Variants in ADAM22 observed in about 807,000 individuals in gnomAD.
ADAM22 encodes disintegrin and metalloproteinase domain-containing protein 22.
Under a neutral mutation model 144.6 loss-of-function variants are expected in ADAM22, and 65 were observed. That is an observed-to-expected ratio of 0.45 (90% confidence interval 0.37 to 0.55). The LOEUF (loss-of-function observed/expected upper bound fraction) is 0.55. ADAM22 is among the 20% of genes least tolerant of loss of function. ADAM22 has a pLI of 0.00. For synonymous variants in ADAM22, 391 were observed against 412.6 expected (o/e 0.95, Z 0.63); for missense variants, 974 against 1,184.9 (o/e 0.82, Z 2.61).
chr7:88,107,758 A>ATTTT (rs780127224), intron 4 of ADAM22, among the ~76,000 whole-genome samples: 1 of 142,844 alleles, frequency 7.0e-6, no homozygotes, highest in Non-Finnish European at 1.5e-5. Flanking sequence ...GCTAATTTCA[A>ATTTT]TTTTTTTTTT....
intron 14 of ADAM22, among the ~76,000 whole-genome samples, chr7:88,137,122 A>G (rs1833174622): frequency 6.6e-6 from 1 of 152,166 alleles, no homozygotes; most frequent in African/African-American, 2.4e-5. Flanking sequence ...TGTGTGTTGG[A>G]GTAAAACATA....
At chr7:88,107,281 G>A (rs1554473234) in intron 4 of ADAM22, among the ~76,000 whole-genome samples, 3 of 139,828 alleles carry the variant, frequency 2.1e-5, no homozygotes, top group African/African-American at 5.4e-5. Flanking sequence ...AGCTCACTGC[G>A]ACCTCCACTT....
At chr7:87,946,715 G>C (rs1244867945) in intron 2 of ADAM22, among the ~76,000 whole-genome samples, 2 of 152,126 alleles carry the variant, frequency 1.3e-5, no homozygotes, top group East Asian at 3.9e-4. Flanking sequence ...TCTATGTATA[G>C]CCAAAAGAAA....
rs1842882398 is a variant in ADAM22, at chr7:88,166,078, G to T, written c.2191+132G>T. The T allele has an allele frequency of 7.1e-6, 4 of 565,126 alleles. No homozygotes were observed. In the South Asian group the frequency reaches 1.0e-4, roughly 15 times the overall value. The allele number at this position is 565,126 out of a possible 1,614,324, so 35.0% of individuals were successfully genotyped here. On this transcript the variant is annotated intron_variant, in intron 24 of 31. Coordinates refer to ENST00000413139, the MANE Select transcript of ADAM22 (RefSeq NM_001324418.2). ...TCATAATAATGAATTATACAACTGG[G>T]GTCCATTTTATGAAACTGATTATGT...
chr7:88,097,643 A>G (rs931772497), intron 4 of ADAM22, among the ~76,000 whole-genome samples: 2 of 151,402 alleles, frequency 1.3e-5, no homozygotes, highest in African/African-American at 4.8e-5. Flanking sequence ...AAAGAAAACA[A>G]CAACAAACAT....
At chr7:88,066,276 A>T (rs1208500552) in intron 3 of ADAM22, among the ~76,000 whole-genome samples, 1 of 151,966 alleles carries the variant, frequency 6.6e-6, no homozygotes, top group Non-Finnish European at 1.5e-5. Context: ...TATTCTGGAA[A>T]TTTTTTTTGA....
At chr7:88,091,777 G>T (rs1380351820) in intron 4 of ADAM22, among the ~76,000 whole-genome samples, 2 of 152,126 alleles carry the variant, frequency 1.3e-5, no homozygotes, top group Admixed American at 6.6e-5. Flanking sequence ...AGAGGAATTA[G>T]AATGCAAATA....
chr7:87,947,029 A>G (rs1489588954), intron 2 of ADAM22, among the ~76,000 whole-genome samples: 2 of 152,292 alleles, frequency 1.3e-5, no homozygotes, highest in East Asian at 3.9e-4. Flanking sequence ...CAAAATGGCA[A>G]TGGTAGATAC....
At chr7:88,125,465 T>C in intron 7 of ADAM22, 124 bp from the exon 8 acceptor site, 1 of 596,772 alleles carries the variant, frequency 1.7e-6, no homozygotes, top group Non-Finnish European at 2.9e-6. Context: ...ATGGTTTGTG[T>C]GATCGTTAAG....
At chr7:87,994,378 G>T (rs1790610890) in intron 3 of ADAM22, among the ~76,000 whole-genome samples, 2 of 152,074 alleles carry the variant, frequency 1.3e-5, no homozygotes, top group South Asian at 4.1e-4. Flanking sequence ...AGCCAGGATG[G>T]TCTCGATCTC....
At chr7:87,964,643 T>A (rs1378520803) in intron 2 of ADAM22, 1 of 430,268 alleles carries the variant, frequency 2.3e-6, no homozygotes, top group Non-Finnish European at 4.6e-6. Flanking sequence ...GATTCAGATG[T>A]TTTTGAAGTC....
chr7:88,052,972 T>C (rs899562012), intron 3 of ADAM22, among the ~76,000 whole-genome samples: 3 of 152,224 alleles, frequency 2.0e-5, no homozygotes, highest in Non-Finnish European at 4.4e-5. Context: ...GTTAAATGTA[T>C]TTATTTTTTT....
chr7:88,099,805 A>C (rs1365051455), intron 4 of ADAM22, among the ~76,000 whole-genome samples: 1 of 152,204 alleles, frequency 6.6e-6, no homozygotes, highest in African/African-American at 2.4e-5. Flanking sequence ...TCATAGATCC[A>C]TATACTAACA....
intron 2 of ADAM22, among the ~76,000 whole-genome samples, chr7:87,965,246 C>A (rs17337831): frequency 0.038 from 5,823 of 152,280 alleles, 143 homozygotes; most frequent in Non-Finnish European, 0.058. Flanking sequence ...TAGGTGAAAA[C>A]CTGTCGTTTG....
intron 14 of ADAM22, among the ~76,000 whole-genome samples, chr7:88,137,694 G>C (rs145259268): frequency 6.6e-6 from 1 of 151,988 alleles, no homozygotes; most frequent in South Asian, 2.1e-4. Flanking sequence ...ATTTTTGAGG[G>C]ATTACTTATT....
intron 2 of ADAM22, among the ~76,000 whole-genome samples, chr7:87,948,768 A>G (rs1367680997): frequency 6.6e-6 from 1 of 152,138 alleles, no homozygotes; most frequent in East Asian, 1.9e-4. Context: ...TCCATTAAGG[A>G]GGGGATTGGG....
At chr7:87,937,207 C>T (rs1193641197) in intron 2 of ADAM22, among the ~76,000 whole-genome samples, 2 of 152,206 alleles carry the variant, frequency 1.3e-5, no homozygotes, top group Non-Finnish European at 2.9e-5. Context: ...ATCTGCTGGC[C>T]TCGGCCTCCC....
At chr7:88,068,824 G>C (rs1811958690) in intron 3 of ADAM22, among the ~76,000 whole-genome samples, 1 of 152,092 alleles carries the variant, frequency 6.6e-6, no homozygotes, top group South Asian at 2.1e-4. Context: ...GTGATTGCTT[G>C]GGCTTCCTGA....
rs145715147 is a variant in ADAM22 at position 88,048,315 on chromosome 7, A to C, written c.324-27311A>C. Among the ~76,000 whole-genome samples, 881 of 152,176 alleles carry C rather than the reference A, an allele frequency of 5.8e-3. 15 individuals carry two copies. Among genetic ancestry groups the C allele is most frequent in the African/African-American group, 0.018 (740 of 41,530 alleles). ...CTAGTATTTTGCTGTTATTATATGA[A>C]TATCCTTCACATATTTTACTATTCT... is the stretch of plus-strand genomic sequence containing the variant. On this transcript the variant is annotated intron_variant, in intron 3 of 31. Transcript: ENST00000413139.
Sources: allele counts gnomAD v4.1 joint callset (sites outside exome capture counted in the v4.1 genomes callset), GRCh38; gene constraint gnomAD v4.1.1; transcripts MANE v1.5; gene names NCBI Gene and HGNC (gene_info 2026-07-23, HGNC 2026-07-21).